The following PTGR2 variants were observed in gnomAD, a reference collection of about 807,000 sequenced individuals.
The protein encoded by PTGR2 is prostaglandin reductase 2, also known as 15-oxoprostaglandin 13-reductase.
In PTGR2, 32 loss-of-function variants were observed where a neutral mutation model predicts 43.4. The ratio of observed to expected loss-of-function variants is 0.74; its 90% CI spans 0.56 to 0.99. The LOEUF is 0.99. PTGR2 is among the 50% of genes least tolerant of loss of function. The probability of loss-of-function intolerance (pLI) is 0.00; values close to 1 mark genes in which losing one functional copy is unlikely to be tolerated. For missense variants in PTGR2, 373 were observed against 420.0 expected (o/e 0.89, Z 0.98); for synonymous variants, 106 against 139.2 (o/e 0.76, Z 1.68).
chr14:73,881,486 T>G (rs1236665419), intron 8 of PTGR2, among the ~76,000 whole-genome samples, 194 bp downstream of exon 8: 2 of 152,212 alleles, frequency 1.3e-5, no homozygotes, highest in African/African-American at 4.8e-5. Context: ...TTGCTTGTTA[T>G]TCCCTTTATC....
Position 73,870,562 on chromosome 14 carries a change from AAATT to A in PTGR2, c.157-3457_157-3454del, listed in dbSNP as rs138320990. 8.7e-3 allele frequency among the ~76,000 whole-genome samples: 1,325 copies of A among 152,306 alleles called. 18 individuals are homozygous for A. Among genetic ancestry groups the A allele is most frequent in the African/African-American group, 0.031 (1,286 of 41,554 alleles). On this transcript the variant is annotated intron_variant, in intron 3 of 9. Transcript: ENST00000555661. ...TTATATCATTCCAAATTCACAACTAAAATTAATCATTATGTGTACACAGTATTTT... is the reference window on the plus strand; with the variant it reads ...TTATATCATTCCAAATTCACAACTAAAATCATTATGTGTACACAGTATTTT...
intron 3 of PTGR2, among the ~76,000 whole-genome samples, chr14:73,861,985 C>T (rs1326433600): frequency 6.6e-6 from 1 of 150,652 alleles, no homozygotes; most frequent in Non-Finnish European, 1.5e-5. Flanking sequence ...TCAAGTGATT[C>T]TCCTGGCTCA....
chr14:73,868,053 G>A (rs749692506), intron 3 of PTGR2, among the ~76,000 whole-genome samples: 1 of 152,182 alleles, frequency 6.6e-6, no homozygotes, highest in African/African-American at 2.4e-5. Flanking sequence ...TTGGGAGGCC[G>A]AGGTGGGTGG....
chr14:73,861,273 C>G (rs2054483194), intron 3 of PTGR2: 1 of 152,152 alleles, frequency 6.6e-6, no homozygotes, highest in African/African-American at 2.4e-5. Flanking sequence ...TTAGTGAAAA[C>G]GTATACATTG....
At chr14:73,866,441 T>A (rs1461652417) in intron 3 of PTGR2, among the ~76,000 whole-genome samples, 1 of 152,108 alleles carries the variant, frequency 6.6e-6, no homozygotes, top group African/African-American at 2.4e-5. Flanking sequence ...CTGGCCTGTT[T>A]TTCTTTTTTA....
Position 73,854,936 on chromosome 14 carries a change from A to G in PTGR2, c.-48+2993A>G, listed in dbSNP as rs539607822. On this transcript the variant is annotated intron_variant, in intron 1 of 9. Coordinates refer to ENST00000555661, the MANE Select transcript of PTGR2 (RefSeq NM_001146154.2). ...ACTAGCAGTCATGGATAAGGGGAGG[A>G]GATAGAAGAAACATTTCCTTCTTTC... is the stretch of plus-strand genomic sequence containing the variant. Among the ~76,000 whole-genome samples the G allele has an allele frequency of 4.7e-4, 72 of 152,336 alleles. 2 individuals are homozygous for G. The South Asian group carries it at 0.014, about 30-fold the overall frequency.
At chr14:73,859,213 A>G (rs2054431211) in intron 2 of PTGR2, among the ~76,000 whole-genome samples, 1 of 152,106 alleles carries the variant, frequency 6.6e-6, no homozygotes, top group African/African-American at 2.4e-5. Flanking sequence ...TCTTTAGAGT[A>G]TGTTATTATT....
At chr14:73,880,567 G>C (rs918655344) in intron 7 of PTGR2, among the ~76,000 whole-genome samples, 1 of 132,400 alleles carries the variant, frequency 7.6e-6, no homozygotes, top group Non-Finnish European at 1.6e-5. Context: ...CAATGAAAAC[G>C]AAACTCCATC....
At chr14:73,853,179 C>G (rs1363762228) in intron 1 of PTGR2, among the ~76,000 whole-genome samples, 1 of 151,010 alleles carries the variant, frequency 6.6e-6, no homozygotes, top group African/African-American at 2.4e-5. Context: ...GCAGAATAAT[C>G]GCACGAAATA....
intron 3 of PTGR2, among the ~76,000 whole-genome samples, chr14:73,870,779 A>G (rs1449566701): frequency 6.6e-6 from 1 of 152,062 alleles, no homozygotes; most frequent in Non-Finnish European, 1.5e-5. Context: ...ATGTGCTTTC[A>G]TATTCTTTAA....
chr14:73,881,392 A>G (rs2054984234), intron 8 of PTGR2, 100 bp downstream of exon 8: 1 of 683,090 alleles, frequency 1.5e-6, no homozygotes, highest in South Asian at 2.2e-5. Flanking sequence ...TTCATTATAA[A>G]AATTCCTACA....
At chr14:73,858,637 A>ATTTAGTCTTTCTTCATATATTTGC in intron 1 of PTGR2, 179 bp from the exon 2 acceptor site, 1 of 389,568 alleles carries the variant, frequency 2.6e-6, no homozygotes, top group Middle Eastern at 8.1e-4. Context: ...TTCTAACTAG[A>ATTTAGTCTTTCTTCATATATTTGC]TTTAGTCTTT....
chr14:73,881,156 C>A, intron 7 of PTGR2, 49 bp from the exon 8 acceptor site: 2 of 1,107,806 alleles, frequency 1.8e-6, no homozygotes, highest in Non-Finnish European at 2.8e-6. Context: ...TCTTGGAATA[C>A]CACTCCCGTT....
At chr14:73,879,975 C>G in intron 6 of PTGR2, 80 bp from the exon 7 acceptor site, 2 of 1,428,126 alleles carry the variant, frequency 1.4e-6, no homozygotes, top group Non-Finnish European at 2.0e-6. Flanking sequence ...ATTAAATAGT[C>G]AAGGAGGCTT....
At chr14:73,871,296 TC>T (rs2054720417) in intron 3 of PTGR2, among the ~76,000 whole-genome samples, 2 of 149,634 alleles carry the variant, frequency 1.3e-5, no homozygotes, top group African/African-American at 4.9e-5. Context: ...CCACGCCTTT[TC>T]CCATATAACT....
intron 8 of PTGR2, 72 bp from the exon 9 acceptor site, chr14:73,882,327 G>C: frequency 2.1e-6 from 2 of 948,160 alleles, no homozygotes; most frequent in Non-Finnish European, 3.3e-6. Flanking sequence ...GCTGGCTTTT[G>C]TAAGTATGGA....
intron 4 of PTGR2, among the ~76,000 whole-genome samples, chr14:73,875,558 G>A (rs1205651816): frequency 6.6e-6 from 1 of 151,634 alleles, no homozygotes; most frequent in Non-Finnish European, 1.5e-5. Flanking sequence ...CTTGGCCAGG[G>A]TGGTGTTGAA....
In PTGR2 at chr14:73,860,660, A is replaced by G; in HGVS notation, c.156+3A>G. The stretch of plus-strand genomic sequence containing the variant: ...ATCTTTCTGTGGATCCTTACATGGT[A>G]AGAATCAGGATGTTGTAACTTGGTG... On this transcript the variant is annotated splice_donor_region_variant and intron_variant, in intron 3 of 9. Transcript: ENST00000555661. 1 of 1,238,798 alleles carries G rather than the reference A, an allele frequency of 8.1e-7. No homozygotes were observed. Among genetic ancestry groups the G allele is most frequent in the East Asian group, 2.4e-5 (1 of 42,494 alleles). The allele number at this position is 1,238,798 out of a possible 1,614,324, so 76.7% of individuals were successfully genotyped here. A position where few individuals can be genotyped will look rare whatever the true frequency, so the allele number is the denominator to read the frequency against.
At chr14:73,861,324 T>C (rs2054484455) in intron 3 of PTGR2, 1 of 152,284 alleles carries the variant, frequency 6.6e-6, no homozygotes, top group Admixed American at 6.5e-5. Flanking sequence ...ACAGGGACTT[T>C]GGCTCTACGA....
Sources: allele counts gnomAD v4.1 joint callset (sites outside exome capture counted in the v4.1 genomes callset), GRCh38; gene constraint gnomAD v4.1.1; transcripts MANE v1.5; gene names NCBI Gene and HGNC (gene_info 2026-07-23, HGNC 2026-07-21).